KSR1: variants seen among roughly 807,000 people sequenced by gnomAD.
The protein encoded by KSR1 is kinase suppressor of ras.
Under a neutral mutation model 92.9 loss-of-function variants are expected in KSR1, and 35 were observed. The observed-to-expected ratio is 0.38, with a 90% CI of 0.29 to 0.50. The LOEUF (loss-of-function observed/expected upper bound fraction) is 0.50. Among genes scored for constraint, KSR1 ranks in the 20% least tolerant of loss-of-function variants. The probability of loss-of-function intolerance (pLI) is 0.94; values close to 1 mark genes in which losing one functional copy is unlikely to be tolerated. For missense variants in KSR1, 972 were observed against 1,158.5 expected (o/e 0.84, Z 2.34); for synonymous variants, 467 against 472.6 (o/e 0.99, Z 0.15).
intron 1 of KSR1, among the ~76,000 whole-genome samples, chr17:27,504,943 G>A (rs966604563): frequency 1.3e-5 from 2 of 152,126 alleles, no homozygotes; most frequent in African/African-American, 2.4e-5. Flanking sequence ...TCTATAAAAC[G>A]GGCATAATCT....
At chr17:27,511,736 G>C (rs895757296) in intron 1 of KSR1, among the ~76,000 whole-genome samples, 9 of 152,230 alleles carry the variant, frequency 5.9e-5, no homozygotes, top group African/African-American at 2.2e-4. Context: ...TGCCCAAGCA[G>C]GGTTGCCTAG....
intron 1 of KSR1, among the ~76,000 whole-genome samples, chr17:27,472,584 C>T (rs956130863): frequency 1.2e-4 from 19 of 152,108 alleles, no homozygotes; most frequent in Admixed American, 1.0e-3. Context: ...CGAGGTGGGC[C>T]GATTACCTGA....
intron 1 of KSR1, among the ~76,000 whole-genome samples, chr17:27,527,942 A>G (rs932953371): frequency 6.6e-6 from 1 of 152,242 alleles, no homozygotes; most frequent in Non-Finnish European, 1.5e-5. Flanking sequence ...TATGTGTCTC[A>G]TAAATGAACA....
At chr17:27,553,031 C>T (rs895756772) in intron 2 of KSR1, among the ~76,000 whole-genome samples, 3 of 152,216 alleles carry the variant, frequency 2.0e-5, no homozygotes, top group Admixed American at 6.5e-5. Flanking sequence ...GGGTGCCCCT[C>T]CACACCTGAC....
chr17:27,527,083 T>C (rs1275999440), intron 1 of KSR1: 29 of 425,510 alleles, frequency 6.8e-5, no homozygotes, highest in Non-Finnish European at 1.1e-4. Flanking sequence ...GCAGGTACAT[T>C]GATTGCTTAA....
chr17:27,501,546 C>T (rs1462299346), intron 1 of KSR1, among the ~76,000 whole-genome samples: 1 of 152,090 alleles, frequency 6.6e-6, no homozygotes, highest in Non-Finnish European at 1.5e-5. Flanking sequence ...GAGGGCAAGC[C>T]CAGGACCCTG....
chr17:27,539,673 G>A (rs2070887272), intron 1 of KSR1, among the ~76,000 whole-genome samples: 1 of 152,184 alleles, frequency 6.6e-6, no homozygotes, highest in African/African-American at 2.4e-5. Context: ...GGGAGTTAGG[G>A]GGTAAAGTGG....
At chr17:27,480,896 G>T (rs1039420692) in intron 1 of KSR1, among the ~76,000 whole-genome samples, 1 of 152,182 alleles carries the variant, frequency 6.6e-6, no homozygotes, top group Non-Finnish European at 1.5e-5. Flanking sequence ...AGTCGCATGC[G>T]TGTGTGTTTT....
chr17:27,458,339 A>T (rs1462813251), intron 1 of KSR1, among the ~76,000 whole-genome samples: 1 of 152,078 alleles, frequency 6.6e-6, no homozygotes, highest in African/African-American at 2.4e-5. Context: ...CAGTTCCGGG[A>T]GGAGGGGTCG....
In KSR1 at chr17:27,456,607, C is replaced by A. The variant is rs1298150805; in HGVS notation, c.-37C>A. 2 of 471,746 alleles carry A rather than the reference C, an allele frequency of 4.2e-6. No homozygotes were observed. Among genetic ancestry groups the A allele is most frequent in the East Asian group, 7.2e-5 (2 of 27,606 alleles). 29.2% of individuals were successfully genotyped at this position (471,746 alleles called of 1,614,324 possible). ...CTTGCCGAGGCGCCCGCGCCCCGGG[C>A]TCCCAGCCTCGGCCGCCGCGGCCCC... On this transcript the variant is annotated 5_prime_UTR_variant, in exon 1 of 21. Coordinates refer to ENST00000644974, the MANE Select transcript of KSR1 (RefSeq NM_001394583.1).
chr17:27,619,782 G>A (rs770213721), intron 19 of KSR1, among the ~76,000 whole-genome samples: 3 of 143,798 alleles, frequency 2.1e-5, no homozygotes, highest in Admixed American at 6.9e-5. Flanking sequence ...GTGCAATCTC[G>A]ACTCACTGCA....
intron 9 of KSR1, among the ~76,000 whole-genome samples, chr17:27,596,354 G>A (rs919841633): frequency 5.9e-5 from 9 of 152,312 alleles, no homozygotes; most frequent in Non-Finnish European, 1.0e-4. Context: ...CCTCCCTGGC[G>A]CAGCATCCTC....
At chr17:27,548,235 A>C (rs1389095963) in intron 1 of KSR1, among the ~76,000 whole-genome samples, 1 of 151,672 alleles carries the variant, frequency 6.6e-6, no homozygotes, top group African/African-American at 2.4e-5. Flanking sequence ...ATCTCAAAAA[A>C]AAAAAAAAAA....
chr17:27,610,209 C>T lies in KSR1; in HGVS notation c.2357+11C>T. The T allele has an allele frequency of 1.2e-6, 2 of 1,613,564 alleles. No homozygotes were observed. Among genetic ancestry groups the T allele is most frequent in the South Asian group, 2.2e-5 (2 of 91,068 alleles). ...TGTCTATGCATTTGGGTGAGTAGGCCCCTGGTGCCCTGAGGCCAAGTGTGG... is the reference window on the plus strand; with the variant it reads ...TGTCTATGCATTTGGGTGAGTAGGCTCCTGGTGCCCTGAGGCCAAGTGTGG... On this transcript the variant is annotated intron_variant, in intron 17 of 20. Transcript: ENST00000644974.
rs1006667898 is a variant in KSR1, at chr17:27,590,793, T to C, written c.1047-18T>C. The C allele has an allele frequency of 2.5e-6, 4 of 1,602,652 alleles. No homozygotes were observed. The African/African-American group carries it at 5.4e-5, about 21-fold the overall frequency. On this transcript the variant is annotated intron_variant, in intron 6 of 20. Transcript: ENST00000644974. Reference sequence around the variant, plus strand: ...CTCCCAGCTGGTGCAAACATGTGCCTGTGTCCGCCCTCTGCAGGTTCTCCA... The same window carrying C: ...CTCCCAGCTGGTGCAAACATGTGCCCGTGTCCGCCCTCTGCAGGTTCTCCA...
chr17:27,524,714 ACTTTGGATGT>A (rs941088873), intron 1 of KSR1, among the ~76,000 whole-genome samples: 1 of 152,228 alleles, frequency 6.6e-6, no homozygotes, highest in African/African-American at 2.4e-5. Flanking sequence ...AAAACCTAAA[ACTTTGGATGT>A]CCCCAACCCA....
intron 18 of KSR1, among the ~76,000 whole-genome samples, chr17:27,617,010 T>C (rs552451700): frequency 6.6e-6 from 1 of 152,326 alleles, no homozygotes; most frequent in South Asian, 2.1e-4. Flanking sequence ...CTGATCTCTT[T>C]CCCATTGCTG....
intron 18 of KSR1, chr17:27,613,145 C>T (rs2073964729): frequency 6.6e-6 from 1 of 152,286 alleles, no homozygotes; most frequent in South Asian, 2.1e-4. Context: ...ACCATTTCAT[C>T]TGGGGTGCTG....
chr17:27,458,720 A>T (rs140929254), intron 1 of KSR1, among the ~76,000 whole-genome samples: 14 of 152,234 alleles, frequency 9.2e-5, no homozygotes, highest in African/African-American at 3.1e-4. Context: ...TCCCACCGTG[A>T]TGTGGATTCG....
Sources: gnomAD v4.1 joint callset for allele counts (sites outside exome capture counted in the v4.1 genomes callset) on GRCh38, gnomAD v4.1.1 for gene constraint, MANE v1.5 for transcripts, NCBI Gene and HGNC (gene_info 2026-07-23, HGNC 2026-07-21) for gene names.